The following PDCD11 variants were observed in gnomAD, a reference collection of about 807,000 sequenced individuals.
PDCD11 encodes the protein protein RRP5 homolog.
In PDCD11, 97 loss-of-function variants were observed where a neutral mutation model predicts 198.9. The ratio of observed to expected loss-of-function variants is 0.49; its 90% CI spans 0.41 to 0.58. The LOEUF (loss-of-function observed/expected upper bound fraction) is 0.58, where lower values mean the gene tolerates loss of function less well. Among genes scored for constraint, PDCD11 ranks in the 20% least tolerant of loss-of-function variants. PDCD11 has a pLI of 0.00. For synonymous variants in PDCD11, 893 were observed against 918.0 expected (o/e 0.97, Z 0.49); for missense variants, 2,102 against 2,312.7 (o/e 0.91, Z 1.87).
chr10:103,432,295 C>A (rs1056735745), intron 22 of PDCD11, 61 bp downstream of exon 22: 2 of 1,204,334 alleles, frequency 1.7e-6, no homozygotes, highest in Non-Finnish European at 2.5e-6. Context: ...AAGGTCATGA[C>A]GTTGGAGAGA....
chr10:103,416,552 A>G lies in PDCD11; in HGVS notation c.1580A>G (p.Glu527Gly), dbSNP rs777382035. 1.5e-5 allele frequency: 24 copies of G among 1,614,064 alleles called. No individual in the cohort carries two copies. The highest frequency in any genetic ancestry group is 1.9e-5 in the Non-Finnish European group (23 of 1,180,036). ...LMMTLKKTLI[E>G]SKLPVITCYA... is the part of the protein sequence containing the mutation. ...ATGACCCTGAAAAAAACCCTGATTG[A>G]GTCCAAACTACCTGTCATTACCTGC... The change falls in exon 13 of 36, where the codon GAG (glutamate) becomes GGG (glycine). Residue 527 changes from glutamate (E) to glycine (G), a missense_variant. Transcript: ENST00000369797.
intron 31 of PDCD11, 73 bp from the exon 32 acceptor site, chr10:103,442,140 G>T: frequency 6.3e-7 from 1 of 1,587,082 alleles, no homozygotes; most frequent in Non-Finnish European, 8.6e-7. Flanking sequence ...CAGCCAACTC[G>T]TGACTTCCAC....
chr10:103,399,007 CTG>C (rs937412525), intron 2 of PDCD11, among the ~76,000 whole-genome samples: 10 of 151,998 alleles, frequency 6.6e-5, no homozygotes, highest in African/African-American at 2.4e-4. Flanking sequence ...GAGTGAGACT[CTG>C]TCTCAAAAAA....
Position 103,434,252 on chromosome 10 carries a change from TGAAGC to T in PDCD11, c.3570_3574del (p.Lys1191SerfsTer3), listed in dbSNP as rs2032054005. 1 of 1,610,192 alleles carries T rather than the reference TGAAGC, an allele frequency of 6.2e-7. No individual in the cohort carries two copies. Among genetic ancestry groups the T allele is most frequent in the African/African-American group, 1.3e-5 (1 of 74,868 alleles). On this transcript the variant is annotated frameshift_variant, in exon 24 of 36. Transcript: ENST00000369797. LOFTEE classifies it high-confidence loss of function. ...GGAGTTTTTTTATCCTTCCAGGTTCTGAAGCATCCAGATAAGAAGTTCCGGGTTGG... is the reference window on the plus strand; with the variant it reads ...GGAGTTTTTTTATCCTTCCAGGTTCTATCCAGATAAGAAGTTCCGGGTTGG...
intron 32 of PDCD11, 107 bp downstream of exon 32, chr10:103,442,567 G>A (rs1592143673): frequency 1.5e-6 from 2 of 1,293,020 alleles, no homozygotes; most frequent in Non-Finnish European, 2.1e-6. Flanking sequence ...CATTTTGGGT[G>A]GCTGCCACCA....
chr10:103,400,359 C>A, intron 2 of PDCD11, 38 bp from the exon 3 acceptor site: 2 of 1,578,844 alleles, frequency 1.3e-6, no homozygotes, highest in Non-Finnish European at 1.7e-6. Flanking sequence ...GCTTCTTATT[C>A]TTTTGGGTCT....
chr10:103,419,651 G>C lies in PDCD11; in HGVS notation c.2220G>C (p.Lys740Asn). ...TCATTGGTTTTGTGAAGAGCATCAA[G>C]GACTATGGCGTGTTCATCCAGTTCC... Reference protein sequence around the residue: ...MLLIGFVKSIKDYGVFIQFPS... With the variant: ...MLLIGFVKSINDYGVFIQFPS... The change falls in exon 16 of 36, where the codon AAG (lysine) becomes AAC (asparagine). Residue 740 changes from lysine (K) to asparagine (N), a missense_variant. By Grantham distance (94) the Lys-to-Asn change is moderately conservative. Coordinates refer to ENST00000369797, the MANE Select transcript of PDCD11 (RefSeq NM_014976.2). The C allele has an allele frequency of 6.2e-7, 1 of 1,614,140 alleles. No homozygotes were observed. Among genetic ancestry groups the C allele is most frequent in the Non-Finnish European group, 8.5e-7 (1 of 1,180,012 alleles).
At position 103,413,979 on chromosome 10, in the gene PDCD11, C is replaced by T. The variant is rs2030953018; in HGVS notation, c.1199C>T (p.Ser400Phe). The T allele has an allele frequency of 1.2e-6, 2 of 1,612,022 alleles. No individual in the cohort carries two copies. The highest frequency in any genetic ancestry group is 1.7e-6 in the Non-Finnish European group (2 of 1,179,172). ...VLAYARLSHL[S>F]DSKNVFNPEA... is the part of the protein sequence containing the mutation. ...GGTACTTTGCAGCTCAGCCATCTCT[C>T]TGATTCTAAGAACGTCTTCAATCCT... The change falls in exon 10 of 36, where the codon TCT (serine) becomes TTT (phenylalanine). Residue 400 changes from serine (S) to phenylalanine (F), a missense_variant. Transcript: ENST00000369797.
intron 19 of PDCD11, 46 bp downstream of exon 19, chr10:103,423,704 C>T (rs757250407): frequency 9.0e-6 from 11 of 1,220,028 alleles, no homozygotes; most frequent in Admixed American, 1.7e-5. Context: ...ACATGATGTA[C>T]CCTTCAACCC....
intron 2 of PDCD11, 45 bp from the exon 3 acceptor site, chr10:103,400,352 T>G: frequency 6.3e-7 from 1 of 1,585,032 alleles, no homozygotes; most frequent in Non-Finnish European, 8.6e-7. Flanking sequence ...TCAGATTGCT[T>G]CTTATTCTTT....
Position 103,425,175 on chromosome 10 carries a change from A to G in PDCD11, c.2955A>G (p.Pro985=), listed in dbSNP as rs1487939790. 6.2e-7 allele frequency: 1 copy of G among 1,614,188 alleles called. No individual in the cohort carries two copies. The highest frequency in any genetic ancestry group is 2.2e-5 in the East Asian group (1 of 44,876). Residue 985 remains proline (P), a synonymous_variant, in exon 20 of 36, where the codon CCA becomes CCG. Coordinates refer to ENST00000369797, the MANE Select transcript of PDCD11 (RefSeq NM_014976.2). ...GVSLTLKTTE[P]GVTGLLLAVE... is the part of the protein sequence containing the mutation. ...CCCTAACCCTCAAGACCACAGAACC[A>G]GGAGTGACTGGCCTTCTTTTGGCTG... is the stretch of plus-strand genomic sequence containing the variant.
Position 103,400,315 on chromosome 10 carries a change from G to A in PDCD11, c.103-82G>A, listed in dbSNP as rs1179101676. On this transcript the variant is annotated intron_variant, in intron 2 of 35. Coordinates refer to ENST00000369797, the MANE Select transcript of PDCD11 (RefSeq NM_014976.2). The stretch of plus-strand genomic sequence containing the variant: ...GTGAAGGAGTAACAAAGCAAGGTGA[G>A]TGATGACCTGAAATAGGAGGGAAAA... 6 of 1,296,266 alleles carry A rather than the reference G, an allele frequency of 4.6e-6. No individual in the cohort carries two copies. The Admixed American group carries it at 1.1e-4, about 23-fold the overall frequency. 80.3% of individuals were successfully genotyped at this position (1,296,266 alleles called of 1,614,324 possible).
intron 3 of PDCD11, among the ~76,000 whole-genome samples, chr10:103,402,813 C>G (rs1241043069): frequency 2.0e-5 from 3 of 152,174 alleles, no homozygotes; most frequent in African/African-American, 7.2e-5. Context: ...GTGATCACAG[C>G]TCACTGCAGA....
rs138071252 is a variant in PDCD11, at chr10:103,423,123, G to C, written c.2633G>C (p.Arg878Thr). 4.4e-6 allele frequency: 7 copies of C among 1,585,260 alleles called. No homozygotes were observed. The highest frequency in any genetic ancestry group is 1.7e-4 in the Middle Eastern group (1 of 5,972). The change falls in exon 18 of 36, where the codon AGA becomes ACA. Residue 878 changes from arginine (R) to threonine (T), a missense_variant. Arg to Thr is a moderately conservative substitution (Grantham distance 71, BLOSUM62 -1). Transcript: ENST00000369797. ...PVPDLVLKASRYHRAGQEVES... is the reference protein window; with the variant it reads ...PVPDLVLKASTYHRAGQEVES... ...CCCGACCTGGTCCTGAAAGCCAGCA[G>C]ATACCATCGCGCAGGTGAGTGCTTC...
At position 103,425,179 on chromosome 10, in the gene PDCD11, G is replaced by A. The variant is rs772236052; in HGVS notation, c.2959G>A (p.Val987Met). ...AACCCTCAAGACCACAGAACCAGGA[G>A]TGACTGGCCTTCTTTTGGCTGTGGA... is the stretch of plus-strand genomic sequence containing the variant. Reference protein sequence around the residue: ...SLTLKTTEPGVTGLLLAVEGP... With the variant: ...SLTLKTTEPGMTGLLLAVEGP... Residue 987 changes from valine to methionine, a missense_variant, in exon 20 of 36, where the codon GTG (valine) becomes ATG (methionine). Coordinates refer to ENST00000369797, the MANE Select transcript of PDCD11 (RefSeq NM_014976.2). 3 of 1,614,196 alleles carry A rather than the reference G, an allele frequency of 1.9e-6. No homozygotes were observed. In the South Asian group the frequency reaches 3.3e-5, roughly 18 times the overall value.
chr10:103,430,955 C>T (rs1273499723), intron 21 of PDCD11, among the ~76,000 whole-genome samples: 3 of 152,030 alleles, frequency 2.0e-5, no homozygotes, highest in African/African-American at 7.2e-5. Flanking sequence ...CCCACGACCA[C>T]GCCCAGCTAA....
intron 27 of PDCD11, 91 bp from the exon 28 acceptor site, chr10:103,439,655 C>T: frequency 6.8e-7 from 1 of 1,463,568 alleles, no homozygotes; most frequent in South Asian, 1.1e-5. Context: ...CTTGTCACAA[C>T]TTGAGTCCCT....
Position 103,439,867 on chromosome 10 carries a change from C to T in PDCD11, c.4147C>T (p.Arg1383Cys), listed in dbSNP as rs113940597. 78 of 1,614,002 alleles carry T rather than the reference C, an allele frequency of 4.8e-5. No homozygotes were observed. Among genetic ancestry groups the T allele is most frequent in the Admixed American group, 8.3e-5 (5 of 60,002 alleles). ...EGKLLTARVLRLNHQKNLVEL... is the reference protein window; with the variant it reads ...EGKLLTARVLCLNHQKNLVEL... ...GAAGCTGCTCACAGCCAGGGTCCTA[C>T]GGTAGGTGCCTTCCCGTTCTCTCTC... The change falls in exon 28 of 36, where the codon CGC (arginine) becomes TGC (cysteine). Residue 1383 changes from arginine to cysteine, a missense_variant and splice_region_variant. Arg to Cys is a radical substitution (Grantham distance 180). Coordinates refer to ENST00000369797, the MANE Select transcript of PDCD11 (RefSeq NM_014976.2).
intron 25 of PDCD11, among the ~76,000 whole-genome samples, chr10:103,436,413 C>T (rs757528131): frequency 2.0e-5 from 3 of 152,158 alleles, no homozygotes; most frequent in African/African-American, 4.8e-5. Flanking sequence ...GTTTTAATAG[C>T]CTGAATAAAC....
Sources: allele counts gnomAD v4.1 joint callset (sites outside exome capture counted in the v4.1 genomes callset), GRCh38; gene constraint gnomAD v4.1.1; transcripts MANE v1.5; gene names NCBI Gene and HGNC (gene_info 2026-07-23, HGNC 2026-07-21).